Variants in BMPR1B observed in about 807,000 individuals in gnomAD.
The protein encoded by BMPR1B is bone morphogenetic protein receptor type 1B, also known as bone morphogenetic protein receptor type-1B.
In BMPR1B, 12 loss-of-function variants were observed where a neutral mutation model predicts 59.1. That is an observed-to-expected ratio of 0.20 (90% CI 0.13 to 0.33). The LOEUF (loss-of-function observed/expected upper bound fraction) is 0.33. Ranked by LOEUF, BMPR1B falls within the 10% of genes least tolerant of loss-of-function variation. The pLI is 1.00. For synonymous variants in BMPR1B, 237 were observed against 207.3 expected, an observed-to-expected ratio of 1.14 and a Z score of -1.23; for missense variants, 550 against 610.9, an observed-to-expected ratio of 0.90 and a Z score of 1.05.
chr4:95,107,082 AG>A (rs796524270), intron 4 of BMPR1B, among the ~76,000 whole-genome samples: 2 of 152,168 alleles, frequency 1.3e-5, no homozygotes, highest in African/African-American at 4.8e-5. Flanking sequence ...GTCAAGGGGA[AG>A]CATTGTCCCT....
At chr4:94,878,015 G>A (rs1726798710) in intron 2 of BMPR1B, among the ~76,000 whole-genome samples, 1 of 151,808 alleles carries the variant, frequency 6.6e-6, no homozygotes. Context: ...TTGATGAATG[G>A]TCTTATAAAA....
intron 1 of BMPR1B, among the ~76,000 whole-genome samples, chr4:94,811,992 T>C (rs1048950479): frequency 4.6e-5 from 7 of 152,208 alleles, no homozygotes; most frequent in South Asian, 2.1e-4. Flanking sequence ...ATATTTAACT[T>C]TTATAGTTCA....
At chr4:94,859,992 T>C (rs1046870379) in intron 1 of BMPR1B, among the ~76,000 whole-genome samples, 1 of 152,174 alleles carries the variant, frequency 6.6e-6, no homozygotes, top group Non-Finnish European at 1.5e-5. Context: ...CAGTGACTTA[T>C]TAAAACTTGT....
chr4:94,859,714 T>TA (rs141466157), intron 1 of BMPR1B, among the ~76,000 whole-genome samples: 4,577 of 150,470 alleles, frequency 0.03, 207 homozygotes, highest in African/African-American at 0.1. Context: ...TGACAAGACT[T>TA]AAAAAAAAAG....
At chr4:95,136,214 T>C (rs1733772219) in intron 10 of BMPR1B, among the ~76,000 whole-genome samples, 1 of 152,136 alleles carries the variant, frequency 6.6e-6, no homozygotes, top group Admixed American at 6.6e-5. Flanking sequence ...ATTATGTTCA[T>C]TGATTTGTGT....
intron 3 of BMPR1B, among the ~76,000 whole-genome samples, chr4:95,017,685 TTTAA>T (rs1407456740): frequency 2.6e-5 from 4 of 152,176 alleles, no homozygotes; most frequent in African/African-American, 9.7e-5. Context: ...TGTTATCTGG[TTTAA>T]TTCTCTCAGC....
chr4:94,911,092 A>G (rs1399223756), intron 2 of BMPR1B, among the ~76,000 whole-genome samples: 1 of 152,134 alleles, frequency 6.6e-6, no homozygotes, highest in Admixed American at 6.6e-5. Flanking sequence ...AAACTATTCT[A>G]GTTTCTTCTC....
Position 95,154,834 on chromosome 4 carries a change from A to G in BMPR1B, c.*161A>G, listed in dbSNP as rs1006544825. Reference sequence around the variant, plus strand: ...CACCTCTCAGGGAGCGACCTGGGCAAAGACAGAGAAGCTCCCAGAAGGAGA... The same window carrying G: ...CACCTCTCAGGGAGCGACCTGGGCAGAGACAGAGAAGCTCCCAGAAGGAGA... On this transcript the variant is annotated 3_prime_UTR_variant, in exon 13 of 13. Transcript: ENST00000515059. The G allele has an allele frequency of 1.7e-5, 16 of 915,684 alleles. No individual in the cohort carries two copies. In the African/African-American group the frequency reaches 2.7e-4, roughly 15 times the overall value. 56.7% of individuals were successfully genotyped at this position (915,684 alleles called of 1,614,324 possible). A position where few individuals can be genotyped will look rare whatever the true frequency, so the allele number is the denominator to read the frequency against.
At chr4:95,148,708 C>T (rs1364353691) in intron 10 of BMPR1B, 40 bp from the exon 11 acceptor site, 1 of 1,596,470 alleles carries the variant, frequency 6.3e-7, no homozygotes, top group Non-Finnish European at 8.6e-7. Context: ...TTTGTTGGTC[C>T]TCTTCAATGC....
intron 1 of BMPR1B, among the ~76,000 whole-genome samples, chr4:94,788,737 A>G (rs913088985): frequency 3.3e-5 from 5 of 152,210 alleles, no homozygotes; most frequent in African/African-American, 1.2e-4. Flanking sequence ...CATCTTTTAG[A>G]TCTGCCTTTC....
chr4:94,786,714 ATT>A (rs35776922), intron 1 of BMPR1B, among the ~76,000 whole-genome samples: 1 of 146,326 alleles, frequency 6.8e-6, no homozygotes, highest in Admixed American at 6.9e-5. Context: ...AATTTTTTGT[ATT>A]TTTTTTTTTA....
intron 3 of BMPR1B, among the ~76,000 whole-genome samples, chr4:95,002,377 C>T (rs1018772107): frequency 2.0e-5 from 3 of 152,272 alleles, no homozygotes; most frequent in Middle Eastern, 3.4e-3. Context: ...TATCCATCCA[C>T]TGTTGATTGT....
chr4:94,793,615 C>G (rs1230127170), intron 1 of BMPR1B, among the ~76,000 whole-genome samples: 1 of 147,678 alleles, frequency 6.8e-6, no homozygotes, highest in Admixed American at 6.7e-5. Context: ...AATGGTTGAA[C>G]TAGTTTACAG....
chr4:94,945,681 T>G (rs1729683351), intron 2 of BMPR1B, among the ~76,000 whole-genome samples: 1 of 152,202 alleles, frequency 6.6e-6, no homozygotes. Flanking sequence ...GCAATCCTCC[T>G]GCCCTGGCCT....
At chr4:94,852,303 G>A (rs919191780) in intron 1 of BMPR1B, among the ~76,000 whole-genome samples, 4 of 151,852 alleles carry the variant, frequency 2.6e-5, no homozygotes, top group Non-Finnish European at 5.9e-5. Flanking sequence ...GTGAATATTT[G>A]GAAGAAAAGT....
chr4:95,082,332 G>A (rs1729223702), intron 3 of BMPR1B, among the ~76,000 whole-genome samples: 1 of 151,940 alleles, frequency 6.6e-6, no homozygotes, highest in African/African-American at 2.4e-5. Flanking sequence ...GAGAACTGCT[G>A]TCTAGAGGAA....
At chr4:94,843,630 G>T (rs1455678588) in intron 1 of BMPR1B, among the ~76,000 whole-genome samples, 1 of 151,980 alleles carries the variant, frequency 6.6e-6, no homozygotes, top group African/African-American at 2.4e-5. Flanking sequence ...TGATCTTTTG[G>T]TTATTATTGT....
intron 1 of BMPR1B, among the ~76,000 whole-genome samples, chr4:94,804,756 G>A (rs1026596877): frequency 6.6e-6 from 1 of 152,180 alleles, no homozygotes; most frequent in East Asian, 1.9e-4. Context: ...TAGTTTATGT[G>A]ATGTGGAAAC....
At chr4:94,804,642 A>G (rs1170045053) in intron 1 of BMPR1B, among the ~76,000 whole-genome samples, 2 of 117,146 alleles carry the variant, frequency 1.7e-5, no homozygotes, top group Non-Finnish European at 3.3e-5. Context: ...TAATGAAGGT[A>G]TTTTTCAAAG....
Sources: gnomAD v4.1 joint callset for allele counts (sites outside exome capture counted in the v4.1 genomes callset) on GRCh38, gnomAD v4.1.1 for gene constraint, MANE v1.5 for transcripts, NCBI Gene and HGNC (gene_info 2026-07-23, HGNC 2026-07-21) for gene names.